The following CUX1 variants were observed in gnomAD, a reference collection of about 807,000 sequenced individuals.
CUX1 encodes the protein cut like homeobox 1.
CUX1 carries 31 observed loss-of-function variants against 158.8 expected under a neutral mutation model. That is an observed-to-expected ratio of 0.20 (90% CI 0.15 to 0.26). CUX1 has a LOEUF of 0.26. Ranked by LOEUF, CUX1 falls within the 10% of genes least tolerant of loss-of-function variation. The pLI is 1.00. For synonymous variants in CUX1, 879 were observed against 862.1 expected, an observed-to-expected ratio of 1.02 and a Z score of -0.34; for missense variants, 1,589 against 2,014.6, an observed-to-expected ratio of 0.79 and a Z score of 4.04.
At chr7:102,009,462 C>A (rs1382462629) in intron 2 of CUX1, among the ~76,000 whole-genome samples, 1 of 152,208 alleles carries the variant, frequency 6.6e-6, no homozygotes, top group Non-Finnish European at 1.5e-5. Context: ...ACCAGGGAAC[C>A]CAGTTTCTCT....
chr7:101,992,788 C>G (rs1433967545), intron 2 of CUX1, among the ~76,000 whole-genome samples: 2 of 151,946 alleles, frequency 1.3e-5, no homozygotes, highest in Admixed American at 6.6e-5. Context: ...CCCGCCGCCC[C>G]CCTCCAACCC....
chr7:102,106,105 T>TTTTTTTTG (rs1491227850), intron 6 of CUX1, among the ~76,000 whole-genome samples: 1 of 112,298 alleles, frequency 8.9e-6, no homozygotes, highest in African/African-American at 3.8e-5. Context: ...TTTTTTTTTT[T>TTTTTTTTG]GAGATGGAGT....
chr7:102,076,413 C>A (rs1374048095), intron 4 of CUX1, among the ~76,000 whole-genome samples: 1 of 151,860 alleles, frequency 6.6e-6, no homozygotes, highest in Non-Finnish European at 1.5e-5. Context: ...AAAAAAGACA[C>A]CAAATAAGCA....
chr7:102,209,030 G>T (rs1554522423), intron 20 of CUX1, among the ~76,000 whole-genome samples: 1 of 152,202 alleles, frequency 6.6e-6, no homozygotes. Context: ...GTCCGTGGGG[G>T]CGGATGGCTC....
chr7:101,901,419 G>A (rs770551572), intron 1 of CUX1, among the ~76,000 whole-genome samples: 2 of 151,844 alleles, frequency 1.3e-5, no homozygotes, highest in African/African-American at 2.4e-5. Context: ...TCAGCCTCCC[G>A]AGTAACTGGG....
chr7:102,027,347 T>C (rs1820162886), intron 2 of CUX1, among the ~76,000 whole-genome samples: 1 of 151,830 alleles, frequency 6.6e-6, no homozygotes. Context: ...CACTCCAGAT[T>C]AGGCGACAGA....
intron 2 of CUX1, among the ~76,000 whole-genome samples, chr7:102,019,926 A>G (rs1391152946): frequency 6.6e-6 from 1 of 152,174 alleles, no homozygotes; most frequent in East Asian, 1.9e-4. Flanking sequence ...TGGTAATTAC[A>G]TGTTTGGGGT....
At chr7:102,041,738 G>A (rs1173666591) in intron 3 of CUX1, among the ~76,000 whole-genome samples, 2 of 144,412 alleles carry the variant, frequency 1.4e-5, no homozygotes, top group Non-Finnish European at 3.0e-5. Context: ...GATGATCTCG[G>A]CTCACTGCAA....
intron 2 of CUX1, among the ~76,000 whole-genome samples, chr7:101,962,852 C>G (rs1250071473): frequency 2.0e-5 from 3 of 152,102 alleles, no homozygotes; most frequent in East Asian, 3.9e-4. Context: ...TCCTGAGTAG[C>G]TGGGACTGCA....
intron 16 of CUX1, 131 bp downstream of exon 16, chr7:102,198,998 T>A: frequency 1.2e-6 from 1 of 822,080 alleles, no homozygotes; most frequent in Non-Finnish European, 2.0e-6. Flanking sequence ...AGCTAGTAAG[T>A]ATAAAACAAG....
chr7:102,200,216 A>C (rs370801245), intron 17 of CUX1, 44 bp downstream of exon 17: 6 of 1,519,744 alleles, frequency 3.9e-6, no homozygotes, highest in Non-Finnish European at 5.4e-6. Context: ...AACTTAATTA[A>C]GAGAATTGTC....
In CUX1 at chr7:102,156,015, G is replaced by A. The variant is rs182393823; in HGVS notation, c.675-2545G>A. The stretch of plus-strand genomic sequence containing the variant: ...TTTTTCTCAGACCAGTCTGAAAGCC[G>A]GATATTATTTCAAACAGATACAATG... On this transcript the variant is annotated intron_variant, in intron 8 of 23. Coordinates refer to ENST00000292535, the MANE Select transcript of CUX1 (RefSeq NM_181552.4). Among the ~76,000 whole-genome samples, 184 of 152,266 alleles carry A rather than the reference G, an allele frequency of 1.2e-3. 1 individual carries two copies. The highest frequency in any genetic ancestry group is 2.1e-3 in the Non-Finnish European group (144 of 68,028).
At chr7:101,820,645 C>T (rs554896408) in intron 1 of CUX1, among the ~76,000 whole-genome samples, 2 of 152,320 alleles carry the variant, frequency 1.3e-5, no homozygotes, top group East Asian at 3.9e-4. Context: ...TGAAGCCCCG[C>T]GTTATCGCTG....
chr7:102,154,855 AT>A (rs1226173042), intron 8 of CUX1, among the ~76,000 whole-genome samples: 1 of 152,170 alleles, frequency 6.6e-6, no homozygotes, highest in Non-Finnish European at 1.5e-5. Context: ...CACTGGAGCC[AT>A]TAGGAAAAGT....
intron 3 of CUX1, 84 bp downstream of exon 3, chr7:102,028,229 G>A: frequency 7.0e-7 from 1 of 1,437,974 alleles, no homozygotes. Context: ...AATGCTCCGG[G>A]CAAAAGGTGC....
At chr7:101,987,895 A>G (rs1814540327) in intron 2 of CUX1, among the ~76,000 whole-genome samples, 1 of 152,240 alleles carries the variant, frequency 6.6e-6, no homozygotes, top group Admixed American at 6.5e-5. Flanking sequence ...AAGTTCAGAG[A>G]AAGCTGACTC....
intron 3 of CUX1, among the ~76,000 whole-genome samples, chr7:102,063,144 AAACTC>A (rs1825122012): frequency 2.0e-5 from 3 of 151,922 alleles, no homozygotes; most frequent in Admixed American, 6.6e-5. Flanking sequence ...AAAAAAAAAA[AAACTC>A]AGCCTTATGA....
chr7:101,887,550 C>T (rs541124642), intron 1 of CUX1, among the ~76,000 whole-genome samples: 1 of 152,222 alleles, frequency 6.6e-6, no homozygotes, highest in African/African-American at 2.4e-5. Context: ...CTCAGGTGAT[C>T]CTCCTGCCTC....
At chr7:101,912,679 A>T (rs1803633758) in intron 1 of CUX1, among the ~76,000 whole-genome samples, 1 of 152,152 alleles carries the variant, frequency 6.6e-6, no homozygotes, top group Admixed American at 6.5e-5. Flanking sequence ...ATGGATGGAT[A>T]TTCTTTTAAA....
Sources: gnomAD v4.1 joint callset for allele counts (sites outside exome capture counted in the v4.1 genomes callset) on GRCh38, gnomAD v4.1.1 for gene constraint, MANE v1.5 for transcripts, NCBI Gene and HGNC (gene_info 2026-07-23, HGNC 2026-07-21) for gene names.